Variants in IPO11 observed in about 807,000 individuals in gnomAD.
The protein encoded by IPO11 is importin-11.
A neutral mutation model predicts 143.2 loss-of-function variants in IPO11; 66 were observed. That is an observed-to-expected ratio of 0.46 (90% confidence interval 0.38 to 0.57). IPO11 has a LOEUF of 0.57. Ranked by LOEUF, IPO11 falls within the 20% of genes least tolerant of loss-of-function variation. IPO11 has a pLI of 0.00. For missense variants in IPO11, 1,026 were observed against 1,141.0 expected (o/e 0.90, Z 1.45); for synonymous variants, 385 against 377.8 (o/e 1.02, Z -0.22).
At chr5:62,605,009 A>C (rs773101330) in intron 29 of IPO11, among the ~76,000 whole-genome samples, 9 of 152,224 alleles carry the variant, frequency 5.9e-5, no homozygotes, top group Non-Finnish European at 1.0e-4. Flanking sequence ...ACTATCCAGC[A>C]ATATCTTGGT....
chr5:62,489,246 T>A lies in IPO11; in HGVS notation c.1310-56T>A, dbSNP rs1746518964. 4 of 1,052,070 alleles carry A rather than the reference T, an allele frequency of 3.8e-6. No individual in the cohort carries two copies. In the South Asian group the frequency reaches 5.2e-5, roughly 14 times the overall value. The allele number at this position is 1,052,070 out of a possible 1,614,324, so 65.2% of individuals were successfully genotyped here. A position where few individuals can be genotyped will look rare whatever the true frequency, so the allele number is the denominator to read the frequency against. ...AAATTGTGTTTAAATATAAATTTTTTAAAAAACTAGTTTTATTTGCTTTTA... is the reference window on the plus strand; with the variant it reads ...AAATTGTGTTTAAATATAAATTTTTAAAAAAACTAGTTTTATTTGCTTTTA... On this transcript the variant is annotated intron_variant, in intron 13 of 29. Coordinates refer to ENST00000325324, the MANE Select transcript of IPO11 (RefSeq NM_016338.5).
chr5:62,440,289 T>C (rs2112137733), intron 2 of IPO11, among the ~76,000 whole-genome samples: 1 of 152,224 alleles, frequency 6.6e-6, no homozygotes. Context: ...TTGTAATCTT[T>C]TTTCTTTTTT....
rs1311820594 is a variant in IPO11 at position 62,412,945 on chromosome 5, G to C, written c.-7+16G>C. On this transcript the variant is annotated intron_variant, in intron 1 of 29. Transcript: ENST00000325324. ...GAACCAAACGGTGAGGCCCCGGCCC[G>C]AGAGCCACCGAGCGCGCGGGAGTGG... 1.3e-5 allele frequency: 2 copies of C among 152,612 alleles called. No homozygotes were observed. The highest frequency in any genetic ancestry group is 2.4e-5 in the African/African-American group (1 of 41,422). 9.5% of individuals were successfully genotyped at this position (152,612 alleles called of 1,614,324 possible).
intron 29 of IPO11, among the ~76,000 whole-genome samples, chr5:62,621,647 G>C (rs1232625841): frequency 6.6e-6 from 1 of 152,082 alleles, no homozygotes; most frequent in Non-Finnish European, 1.5e-5. Context: ...TCCCTAAGAA[G>C]ATCAACAGAT....
intron 29 of IPO11, among the ~76,000 whole-genome samples, chr5:62,611,337 G>T (rs1365990321): frequency 6.6e-6 from 1 of 152,104 alleles, no homozygotes; most frequent in Non-Finnish European, 1.5e-5. Flanking sequence ...TGATAACCAG[G>T]CATCCTAAGG....
At chr5:62,561,537 G>A (rs993344806) in intron 27 of IPO11, among the ~76,000 whole-genome samples, 6 of 151,914 alleles carry the variant, frequency 3.9e-5, no homozygotes, top group African/African-American at 9.7e-5. Flanking sequence ...TTATAATTAC[G>A]TTTTATTAGA....
chr5:62,579,594 G>C, intron 27 of IPO11: 1 of 1,551,022 alleles, frequency 6.4e-7, no homozygotes, highest in Middle Eastern at 1.7e-4. Context: ...TAGGCCTTTC[G>C]AGTATTCCTA....
At chr5:62,543,102 C>A (rs537389011) in intron 24 of IPO11, among the ~76,000 whole-genome samples, 1 of 73,478 alleles carries the variant, frequency 1.4e-5, no homozygotes, top group East Asian at 2.7e-4. Context: ...TTTTCAAGGC[C>A]ACTCAGTAAG....
At chr5:62,446,269 T>C (rs138795184) in intron 3 of IPO11, among the ~76,000 whole-genome samples, 56 of 152,376 alleles carry the variant, frequency 3.7e-4, no homozygotes, top group African/African-American at 1.3e-3. Context: ...CAGTTGGAAC[T>C]AGATAGAACA....
chr5:62,586,671 A>G (rs1381695552), intron 27 of IPO11, among the ~76,000 whole-genome samples: 2 of 149,220 alleles, frequency 1.3e-5, no homozygotes, highest in Non-Finnish European at 3.0e-5. Context: ...GAATCATTTG[A>G]ACCCAGGAGG....
At chr5:62,426,931 GTTTTTTTTTT>G (rs763031944) in intron 1 of IPO11, among the ~76,000 whole-genome samples, 9 of 90,254 alleles carry the variant, frequency 1.0e-4, no homozygotes, top group Admixed American at 4.5e-4. Flanking sequence ...TTTTCTTTCT[GTTTTTTTTTT>G]TTTTTTTTTT....
chr5:62,483,934 A>G (rs1211024406), intron 10 of IPO11, 76 bp from the exon 11 acceptor site: 10 of 1,251,932 alleles, frequency 8.0e-6, no homozygotes, highest in Non-Finnish European at 1.1e-5. Context: ...TGTATTTTTT[A>G]TTTATTTAAG....
At chr5:62,526,789 T>C (rs191029927) in intron 21 of IPO11, 8 of 152,368 alleles carry the variant, frequency 5.3e-5, no homozygotes, top group Non-Finnish European at 7.3e-5. Context: ...GCAACTGTGC[T>C]AGAAAATCCT....
intron 24 of IPO11, among the ~76,000 whole-genome samples, chr5:62,542,526 T>C (rs907748232): frequency 1.3e-5 from 2 of 152,130 alleles, no homozygotes; most frequent in Admixed American, 6.5e-5. Context: ...ATATAGTATG[T>C]TATATAACAT....
chr5:62,463,872 G>A (rs1745466964), intron 5 of IPO11, among the ~76,000 whole-genome samples: 1 of 151,284 alleles, frequency 6.6e-6, no homozygotes, highest in Non-Finnish European at 1.5e-5. Flanking sequence ...TACGCAGGCT[G>A]GAGAGCAGTG....
intron 9 of IPO11, among the ~76,000 whole-genome samples, chr5:62,482,259 G>A (rs930388309): frequency 3.3e-5 from 5 of 152,114 alleles, no homozygotes; most frequent in African/African-American, 1.2e-4. Flanking sequence ...TTGATTTTTT[G>A]AAGGGTTTTT....
intron 27 of IPO11, among the ~76,000 whole-genome samples, chr5:62,571,964 G>A (rs1744145133): frequency 6.6e-6 from 1 of 152,172 alleles, no homozygotes; most frequent in Non-Finnish European, 1.5e-5. Flanking sequence ...GGGATTACAG[G>A]TATGAGCCAC....
intron 28 of IPO11, among the ~76,000 whole-genome samples, chr5:62,594,809 A>G (rs971622465): frequency 6.6e-6 from 1 of 152,216 alleles, no homozygotes; most frequent in Non-Finnish European, 1.5e-5. Flanking sequence ...ACAGGGACCA[A>G]TGGAGCAATA....
chr5:62,470,444 C>G (rs904667471), intron 7 of IPO11, 136 bp downstream of exon 7: 4 of 747,428 alleles, frequency 5.4e-6, no homozygotes, highest in Middle Eastern at 4.8e-4. Context: ...ACCATTCTGA[C>G]TTTTAGACTT....
Sources: allele counts gnomAD v4.1 joint callset (sites outside exome capture counted in the v4.1 genomes callset), GRCh38; gene constraint gnomAD v4.1.1; transcripts MANE v1.5; gene names NCBI Gene and HGNC (gene_info 2026-07-23, HGNC 2026-07-21).